UST: variants seen among roughly 807,000 people sequenced by gnomAD.
UST encodes the protein chondroitin sulfate 2-O-sulfotransferase.
A neutral mutation model predicts 45.6 loss-of-function variants in UST; 21 were observed. The ratio of observed to expected loss-of-function variants is 0.46; its 90% CI spans 0.33 to 0.66. UST has a LOEUF of 0.66. UST is among the 30% of genes least tolerant of loss of function. The pLI, the probability that UST is intolerant of heterozygous loss-of-function variation, is 0.02. For synonymous variants in UST, 215 were observed against 200.6 expected (o/e 1.07, Z -0.61); for missense variants, 463 against 512.4 (o/e 0.90, Z 0.93).
intron 7 of UST, among the ~76,000 whole-genome samples, chr6:149,046,729 T>C (rs1776400167): frequency 1.3e-5 from 2 of 152,258 alleles, no homozygotes; most frequent in East Asian, 1.9e-4. Context: ...ATCATCTCAT[T>C]TGATTCTTCC....
At chr6:148,792,988 C>T (rs1249751048) in intron 1 of UST, among the ~76,000 whole-genome samples, 1 of 151,858 alleles carries the variant, frequency 6.6e-6, no homozygotes, top group African/African-American at 2.4e-5. Context: ...TATAAGCAAC[C>T]TAAACATCAA....
chr6:148,949,936 T>C (rs1780332340), intron 3 of UST, among the ~76,000 whole-genome samples: 1 of 152,108 alleles, frequency 6.6e-6, no homozygotes. Flanking sequence ...TGCAGCCAAA[T>C]CTTTTCCTCC....
chr6:148,838,943 C>A (rs1777841926), intron 1 of UST, among the ~76,000 whole-genome samples: 2 of 152,152 alleles, frequency 1.3e-5, no homozygotes, highest in Admixed American at 1.3e-4. Flanking sequence ...TAGGTATATG[C>A]CCCCATATGC....
At chr6:149,000,197 CAA>C (rs1781521130) in intron 5 of UST, among the ~76,000 whole-genome samples, 1 of 152,204 alleles carries the variant, frequency 6.6e-6, no homozygotes, top group Non-Finnish European at 1.5e-5. Context: ...TTAAACGTAG[CAA>C]CTGCTCATCT....
intron 7 of UST, among the ~76,000 whole-genome samples, chr6:149,024,861 A>G (rs1045632724): frequency 4.6e-5 from 7 of 152,158 alleles, no homozygotes; most frequent in Non-Finnish European, 1.0e-4. Context: ...CTCATTGTAG[A>G]TTAACTAACC....
chr6:148,920,040 A>C (rs1386931089), intron 2 of UST, among the ~76,000 whole-genome samples: 1 of 152,228 alleles, frequency 6.6e-6, no homozygotes, highest in African/African-American at 2.4e-5. Context: ...CATCATGGGC[A>C]GTATTTATAG....
At chr6:148,933,570 C>T (rs1779962230) in intron 2 of UST, among the ~76,000 whole-genome samples, 2 of 152,020 alleles carry the variant, frequency 1.3e-5, no homozygotes, top group African/African-American at 2.4e-5. Flanking sequence ...TGGAAAGAGC[C>T]TTCTGTTCAG....
At chr6:148,850,124 G>A (rs1778076197) in intron 1 of UST, among the ~76,000 whole-genome samples, 1 of 152,138 alleles carries the variant, frequency 6.6e-6, no homozygotes, top group Non-Finnish European at 1.5e-5. Flanking sequence ...TTCTATGAGT[G>A]TAGTGTTTTC....
intron 7 of UST, among the ~76,000 whole-genome samples, chr6:149,041,765 A>G (rs1461278109): frequency 6.6e-6 from 1 of 152,146 alleles, no homozygotes; most frequent in Non-Finnish European, 1.5e-5. Flanking sequence ...GCCTGCCTCC[A>G]GGCCTCCATT....
intron 1 of UST, among the ~76,000 whole-genome samples, chr6:148,785,885 G>A (rs1776725353): frequency 6.6e-6 from 1 of 152,172 alleles, no homozygotes; most frequent in Admixed American, 6.5e-5. Context: ...TATAAAAAAT[G>A]TATGAATTGA....
At chr6:148,960,418 G>A (rs1234641141) in intron 4 of UST, among the ~76,000 whole-genome samples, 3 of 152,190 alleles carry the variant, frequency 2.0e-5, no homozygotes, top group Non-Finnish European at 4.4e-5. Flanking sequence ...CTGATCAAGG[G>A]TCAAAGCCCT....
intron 4 of UST, among the ~76,000 whole-genome samples, chr6:148,956,500 A>C (rs1168521132): frequency 3.9e-5 from 6 of 152,238 alleles, no homozygotes; most frequent in Non-Finnish European, 8.8e-5. Context: ...ATTATCTCCC[A>C]TCAGGTCCCT....
intron 7 of UST, among the ~76,000 whole-genome samples, chr6:149,065,689 G>C (rs1463033927): frequency 1.3e-5 from 2 of 152,088 alleles, no homozygotes; most frequent in Non-Finnish European, 2.9e-5. Flanking sequence ...CACCTCACAG[G>C]GTTATTGAGA....
intron 6 of UST, among the ~76,000 whole-genome samples, chr6:149,020,432 A>G (rs1275851376): frequency 6.6e-6 from 1 of 152,178 alleles, no homozygotes; most frequent in Admixed American, 6.5e-5. Context: ...ATAACAGGAA[A>G]CATGATTTGA....
intron 4 of UST, among the ~76,000 whole-genome samples, chr6:148,960,696 T>C (rs1376406264): frequency 6.6e-6 from 1 of 152,234 alleles, no homozygotes; most frequent in Non-Finnish European, 1.5e-5. Context: ...TTGAAAATGA[T>C]GAAAAGGGCA....
chr6:148,841,717 G>A (rs1355662222), intron 1 of UST, among the ~76,000 whole-genome samples: 2 of 151,900 alleles, frequency 1.3e-5, no homozygotes, highest in Non-Finnish European at 1.5e-5. Flanking sequence ...GGTCTACCTA[G>A]AACAAATAAG....
chr6:148,853,704 A>C (rs541519502), intron 1 of UST, among the ~76,000 whole-genome samples: 58 of 152,306 alleles, frequency 3.8e-4, no homozygotes, highest in Admixed American at 6.5e-4. Flanking sequence ...GTATTTCTCT[A>C]ATGATCAGTG....
intron 1 of UST, among the ~76,000 whole-genome samples, chr6:148,865,331 GC>G (rs1242204640): frequency 1.3e-5 from 2 of 152,160 alleles, no homozygotes; most frequent in Admixed American, 6.5e-5. Flanking sequence ...TCTTTCAAAT[GC>G]CCTTTTGGGC....
chr6:148,792,527 A>T (rs1361580706), intron 1 of UST, among the ~76,000 whole-genome samples: 1 of 152,204 alleles, frequency 6.6e-6, no homozygotes, highest in East Asian at 1.9e-4. Context: ...ACCTGGCCAT[A>T]AAGTGCCTTC....
Sources: allele counts gnomAD v4.1 joint callset (sites outside exome capture counted in the v4.1 genomes callset), GRCh38; gene constraint gnomAD v4.1.1; transcripts MANE v1.5; gene names NCBI Gene and HGNC (gene_info 2026-07-23, HGNC 2026-07-21).